NAALADL2: variants seen among roughly 807,000 people sequenced by gnomAD.
NAALADL2 encodes the protein inactive N-acetylated-alpha-linked acidic dipeptidase-like protein 2.
In NAALADL2, 76 loss-of-function variants were observed where a neutral mutation model predicts 87.2. The observed-to-expected ratio is 0.87, with a 90% CI of 0.72 to 1.05. NAALADL2 has a LOEUF of 1.05. Among genes scored for constraint, NAALADL2 ranks in the 50% least tolerant of loss-of-function variants. NAALADL2 has a pLI of 0.00. For synonymous variants in NAALADL2, 354 were observed against 331.0 expected (o/e 1.07, Z -0.75); for missense variants, 1,089 against 945.8 (o/e 1.15, Z -1.99).
chr3:175,741,288 C>T (rs1396255967), intron 12 of NAALADL2, among the ~76,000 whole-genome samples: 4 of 152,164 alleles, frequency 2.6e-5, no homozygotes, highest in African/African-American at 7.2e-5. Flanking sequence ...ATTAACTTCA[C>T]ATGGTAGAAG....
chr3:174,767,882 G>A (rs1714048045), intron 3 of NAALADL2, among the ~76,000 whole-genome samples: 1 of 152,164 alleles, frequency 6.6e-6, no homozygotes, highest in Non-Finnish European at 1.5e-5. Context: ...CATTGAATGC[G>A]AAGTACAAGA....
chr3:175,133,969 A>T (rs745342647), intron 2 of NAALADL2, among the ~76,000 whole-genome samples: 7 of 152,212 alleles, frequency 4.6e-5, no homozygotes, highest in Non-Finnish European at 8.8e-5. Context: ...CTTTAAGCAC[A>T]TAATGAAAAT....
At chr3:175,615,020 T>A (rs1725143638) in intron 10 of NAALADL2, among the ~76,000 whole-genome samples, 1 of 152,142 alleles carries the variant, frequency 6.6e-6, no homozygotes, top group Non-Finnish European at 1.5e-5. Context: ...CAATCTACTC[T>A]CAATTTATTT....
At chr3:175,273,774 G>C (rs1753193553) in intron 4 of NAALADL2, among the ~76,000 whole-genome samples, 1 of 151,700 alleles carries the variant, frequency 6.6e-6, no homozygotes, top group Admixed American at 6.6e-5. Context: ...ACCACATTTT[G>C]TTTTAGATAT....
chr3:174,986,295 A>G (rs2108680178), intron 1 of NAALADL2, among the ~76,000 whole-genome samples: 1 of 148,110 alleles, frequency 6.8e-6, no homozygotes, highest in Admixed American at 6.8e-5. Flanking sequence ...TACACAATAT[A>G]TATAATATAT....
intron 13 of NAALADL2, among the ~76,000 whole-genome samples, chr3:175,758,756 C>T (rs1472422931): frequency 6.6e-6 from 1 of 151,786 alleles, no homozygotes; most frequent in East Asian, 1.9e-4. Context: ...TTGTTAATTA[C>T]ATTGTACAAA....
intron 1 of NAALADL2, among the ~76,000 whole-genome samples, chr3:174,488,394 A>G (rs13081790): frequency 0.46 from 69,885 of 151,666 alleles, 17,634 homozygotes; most frequent in East Asian, 0.92. Flanking sequence ...GTGTTCATGA[A>G]AATTAAGTGA....
chr3:174,579,572 A>T (rs1329503804), intron 2 of NAALADL2, among the ~76,000 whole-genome samples: 1 of 152,062 alleles, frequency 6.6e-6, no homozygotes, highest in Non-Finnish European at 1.5e-5. Context: ...GGAATACATG[A>T]GTGGGCATGA....
rs559029887 is a variant in NAALADL2, at chr3:174,691,150, G to A, written c.-114-46491G>A. ...TGTTAGGCCAGGTGCAGTGGCTTAT[G>A]CCTGTAATCCCAGCACATTGGGAGG... On this transcript the variant is annotated intron_variant, in intron 2 of 3. Transcript: ENST00000434257. 3.8e-3 allele frequency among the ~76,000 whole-genome samples: 572 copies of A among 152,264 alleles called. 3 individuals are homozygous for A. The highest frequency in any genetic ancestry group is 0.013 in the South Asian group (62 of 4,826).
chr3:174,841,598 A>G (rs1724029676), intron 3 of NAALADL2, among the ~76,000 whole-genome samples: 1 of 152,204 alleles, frequency 6.6e-6, no homozygotes, highest in Non-Finnish European at 1.5e-5. Context: ...GAGCTGTGTT[A>G]GATCACTCTG....
At chr3:175,800,808 T>C (rs552134591) in intron 13 of NAALADL2, among the ~76,000 whole-genome samples, 1 of 152,166 alleles carries the variant, frequency 6.6e-6, no homozygotes, top group Non-Finnish European at 1.5e-5. Flanking sequence ...AGAAGTAACA[T>C]GTTCTTCACT....
intron 2 of NAALADL2, among the ~76,000 whole-genome samples, chr3:174,711,907 C>G (rs1279397919): frequency 6.6e-6 from 1 of 152,142 alleles, no homozygotes; most frequent in Non-Finnish European, 1.5e-5. Flanking sequence ...TCAAGAGATT[C>G]TCTTGCCTCA....
In NAALADL2 at chr3:175,362,507, T is replaced by C. The variant is rs556553437; in HGVS notation, c.1090+38182T>C. ...ATTGTTCCTATCCATGAGCATGGAA[T>C]GTTCTTCTATTTGTTTGTATCCTCT... On this transcript the variant is annotated intron_variant, in intron 5 of 13. Coordinates refer to ENST00000454872, the MANE Select transcript of NAALADL2 (RefSeq NM_207015.3). Among the ~76,000 whole-genome samples the C allele has an allele frequency of 7.6e-4, 113 of 148,372 alleles. 5 individuals are homozygous for C. The highest frequency in any genetic ancestry group is 2.5e-3 in the African/African-American group (101 of 40,844).
At chr3:175,309,655 C>CAAAG (rs1340746526) in intron 4 of NAALADL2, among the ~76,000 whole-genome samples, 2 of 151,722 alleles carry the variant, frequency 1.3e-5, no homozygotes, top group South Asian at 2.1e-4. Context: ...TAGACAAATG[C>CAAAG]AAAGAAATCA....
intron 9 of NAALADL2, among the ~76,000 whole-genome samples, chr3:175,549,155 G>GCA (rs10651364): frequency 0.91 from 137,995 of 151,774 alleles, 62,835 homozygotes; most frequent in Middle Eastern, 0.95. Flanking sequence ...ATTTTCCCTT[G>GCA]CATTGTTTTA....
intron 1 of NAALADL2, among the ~76,000 whole-genome samples, chr3:174,935,551 T>C (rs960291756): frequency 6.6e-6 from 1 of 152,146 alleles, no homozygotes; most frequent in African/African-American, 2.4e-5. Context: ...GGGGCAATAG[T>C]ACTGGAAATA....
intron 3 of NAALADL2, among the ~76,000 whole-genome samples, chr3:174,761,050 G>A (rs1712875876): frequency 6.6e-6 from 1 of 152,136 alleles, no homozygotes; most frequent in Admixed American, 6.5e-5. Flanking sequence ...TGCAACCTCA[G>A]ATCCAAAATC....
At chr3:175,324,397 A>C in intron 5 of NAALADL2, 72 bp downstream of exon 5, 2 of 1,204,386 alleles carry the variant, frequency 1.7e-6, no homozygotes, top group East Asian at 2.6e-5. Context: ...AATAAATGCT[A>C]TCTATCAGGA....
intron 3 of NAALADL2, among the ~76,000 whole-genome samples, chr3:175,237,117 T>C (rs1454597720): frequency 6.6e-6 from 1 of 151,958 alleles, no homozygotes; most frequent in Admixed American, 6.6e-5. Flanking sequence ...TGTAGAGAGG[T>C]TTAATATTTT....
Sources: gnomAD v4.1 joint callset for allele counts (sites outside exome capture counted in the v4.1 genomes callset) on GRCh38, gnomAD v4.1.1 for gene constraint, MANE v1.5 for transcripts, NCBI Gene and HGNC (gene_info 2026-07-23, HGNC 2026-07-21) for gene names.